Variants in TBC1D19 observed in about 807,000 individuals in gnomAD.
TBC1D19 encodes TBC1 domain family member 19, also known as TBC1 domain family, member 19.
A neutral mutation model predicts 89.0 loss-of-function variants in TBC1D19; 60 were observed. The observed-to-expected ratio is 0.67, with a 90% CI of 0.55 to 0.84. TBC1D19 has a LOEUF of 0.84. Ranked by LOEUF, TBC1D19 falls within the 40% of genes least tolerant of loss-of-function variation. The pLI is 0.00. For synonymous variants in TBC1D19, 189 were observed against 199.7 expected (o/e 0.95, Z 0.45); for missense variants, 500 against 610.8 (o/e 0.82, Z 1.91).
At chr4:26,690,608 T>A (rs1714189299) in intron 13 of TBC1D19, among the ~76,000 whole-genome samples, 1 of 152,232 alleles carries the variant, frequency 6.6e-6, no homozygotes, top group Admixed American at 6.5e-5. Flanking sequence ...ACTCTGCCTG[T>A]GCTCTATAAA....
intron 7 of TBC1D19, among the ~76,000 whole-genome samples, chr4:26,642,090 C>T (rs1477679385): frequency 5.9e-5 from 9 of 152,020 alleles, no homozygotes; most frequent in Non-Finnish European, 1.3e-4. Context: ...ACCACAAAGA[C>T]ACTCCTCGAG....
intron 15 of TBC1D19, among the ~76,000 whole-genome samples, chr4:26,731,173 T>C (rs1039840133): frequency 6.6e-6 from 1 of 152,196 alleles, no homozygotes; most frequent in Non-Finnish European, 1.5e-5. Context: ...AGAGGACCGA[T>C]TAATGAATTG....
chr4:26,708,016 A>G (rs74345904), intron 13 of TBC1D19, among the ~76,000 whole-genome samples: 3,998 of 152,198 alleles, frequency 0.026, 87 homozygotes, highest in Non-Finnish European at 0.039. Context: ...ACAGAAAGCA[A>G]AAAATGGAGT....
At chr4:26,702,695 T>C (rs1225819640) in intron 13 of TBC1D19, among the ~76,000 whole-genome samples, 1 of 152,196 alleles carries the variant, frequency 6.6e-6, no homozygotes, top group African/African-American at 2.4e-5. Flanking sequence ...AATAAGCCTG[T>C]TTTAAATGCT....
At chr4:26,719,409 G>A (rs1229868716) in intron 14 of TBC1D19, among the ~76,000 whole-genome samples, 7 of 151,954 alleles carry the variant, frequency 4.6e-5, no homozygotes, top group Non-Finnish European at 1.0e-4. Flanking sequence ...AAATACAAGT[G>A]ACTTTTCAAT....
intron 15 of TBC1D19, among the ~76,000 whole-genome samples, chr4:26,735,048 A>G (rs1019063646): frequency 4.6e-5 from 7 of 151,204 alleles, no homozygotes; most frequent in African/African-American, 1.2e-4. Context: ...ATGTGTACAC[A>G]CATGTATATA....
chr4:26,821,700 G>A, the TBC1D19 span, among the ~76,000 whole-genome samples: 1 of 152,224 alleles, frequency 6.6e-6, no homozygotes, highest in Admixed American at 6.5e-5. Context: ...CAATGGTGGG[G>A]CTGTCCTGTA....
At chr4:26,603,981 C>T (rs186171050) in intron 1 of TBC1D19, among the ~76,000 whole-genome samples, 241 of 152,180 alleles carry the variant, frequency 1.6e-3, no homozygotes, top group African/African-American at 5.4e-3. Context: ...CCCTCTTCAA[C>T]CTGTAGTAAC....
the TBC1D19 span, among the ~76,000 whole-genome samples, chr4:26,763,666 C>T: frequency 2.6e-5 from 4 of 152,200 alleles, no homozygotes; most frequent in South Asian, 2.1e-4. Context: ...GGCTGTGTCA[C>T]GGGCACACGT....
chr4:26,689,164 A>G (rs576565316), intron 13 of TBC1D19, among the ~76,000 whole-genome samples: 3 of 152,212 alleles, frequency 2.0e-5, no homozygotes, highest in South Asian at 2.1e-4. Flanking sequence ...AAGGTTTATC[A>G]TATGTTCCAA....
chr4:26,761,201 T>C (rs1209039398), downstream of TBC1D19, among the ~76,000 whole-genome samples: 1 of 152,212 alleles, frequency 6.6e-6, no homozygotes, highest in Non-Finnish European at 1.5e-5. Context: ...TCTTCGCATT[T>C]CTAAAGAACT....
chr4:26,717,764 A>C (rs1178013001), intron 13 of TBC1D19, among the ~76,000 whole-genome samples, 169 bp from the exon 14 acceptor site: 1 of 152,060 alleles, frequency 6.6e-6, no homozygotes, highest in Non-Finnish European at 1.5e-5. Flanking sequence ...CTTTGGAAGA[A>C]TTTGGCATCC....
At chr4:26,641,221 A>G (rs1577854824) in intron 7 of TBC1D19, among the ~76,000 whole-genome samples, 2 of 152,344 alleles carry the variant, frequency 1.3e-5, no homozygotes, top group East Asian at 3.9e-4. Context: ...ATCAGGCAGC[A>G]ATATTTGCTC....
intron 1 of TBC1D19, among the ~76,000 whole-genome samples, chr4:26,602,515 C>T (rs1458511744): frequency 7.0e-6 from 1 of 143,872 alleles, no homozygotes; most frequent in Non-Finnish European, 1.5e-5. Context: ...GATCTCAGCT[C>T]ACTGCAAGCG....
intron 19 of TBC1D19, among the ~76,000 whole-genome samples, chr4:26,751,708 G>T (rs1302685990): frequency 6.6e-6 from 1 of 152,042 alleles, no homozygotes; most frequent in East Asian, 1.9e-4. Flanking sequence ...TTGCCCGACT[G>T]TCCAAAATCT....
At chr4:26,807,875 T>C in the TBC1D19 span, among the ~76,000 whole-genome samples, 149 of 152,340 alleles carry the variant, frequency 9.8e-4, no homozygotes, top group Middle Eastern at 0.031. Flanking sequence ...AACTTCAATG[T>C]TTATTACAAG....
the TBC1D19 span, among the ~76,000 whole-genome samples, chr4:26,811,124 G>A: frequency 8.5e-5 from 13 of 152,242 alleles, no homozygotes; most frequent in East Asian, 2.3e-3. Flanking sequence ...ACCAACAATA[G>A]ACTGGATAAA....
intron 4 of TBC1D19, among the ~76,000 whole-genome samples, chr4:26,635,775 A>G (rs922853381): frequency 2.0e-4 from 31 of 152,126 alleles, no homozygotes; most frequent in African/African-American, 7.0e-4. Flanking sequence ...AAAGTCACCT[A>G]ATGCTATCTT....
Position 26,640,186 on chromosome 4 carries a change from A to G in TBC1D19, c.479A>G (p.Glu160Gly), listed in dbSNP as rs1743403519. Residue 160 changes from glutamate (E) to glycine (G), a missense_variant and splice_region_variant, in exon 7 of 21, where the codon GAG becomes GGG. Physicochemically the swap from Glu to Gly is moderately conservative, Grantham distance 98. Coordinates refer to ENST00000264866, the MANE Select transcript of TBC1D19 (RefSeq NM_018317.4). ...RPVYAPKDFLEVLINLRNPNY... is the reference protein window; with the variant it reads ...RPVYAPKDFLGVLINLRNPNY... ...GTTTATGCACCTAAGGATTTTCTTG[A>G]GGTAGGTTCTATTGGATAAATACAC... 1.2e-6 allele frequency: 2 copies of G among 1,605,666 alleles called. No homozygotes were observed. Among genetic ancestry groups the G allele is most frequent in the South Asian group, 2.2e-5 (2 of 90,530 alleles).
Sources: gnomAD v4.1 joint callset for allele counts (sites outside exome capture counted in the v4.1 genomes callset) on GRCh38, gnomAD v4.1.1 for gene constraint, MANE v1.5 for transcripts, NCBI Gene and HGNC (gene_info 2026-07-23, HGNC 2026-07-21) for gene names.